Variants in NFYA observed in about 807,000 individuals in gnomAD.
The protein encoded by NFYA is nuclear transcription factor Y subunit alpha, also known as CAAT-box DNA binding protein subunit A.
Under a neutral mutation model 52.8 loss-of-function variants are expected in NFYA, and 28 were observed. That is an observed-to-expected ratio of 0.53 (90% CI 0.39 to 0.73). The LOEUF (loss-of-function observed/expected upper bound fraction) is 0.73. NFYA is among the 30% of genes least tolerant of loss of function. The probability of loss-of-function intolerance (pLI) is 0.00; values close to 1 mark genes in which losing one functional copy is unlikely to be tolerated. For synonymous variants in NFYA, 150 were observed against 150.7 expected (o/e 1.00, Z 0.03); for missense variants, 234 against 427.0 (o/e 0.55, Z 3.98).
chr6:41,081,455 A>C (rs1190053187), intron 3 of NFYA, among the ~76,000 whole-genome samples: 1 of 151,296 alleles, frequency 6.6e-6, no homozygotes, highest in East Asian at 1.9e-4. Flanking sequence ...GCGCCACTGC[A>C]CTCCAGCCTG....
Position 41,101,987 on chromosome 6 carries a change from G to GT in NFYA, c.*4578dup, listed in dbSNP as rs1561860225. The GT allele has an allele frequency of 6.6e-6, 1 of 152,272 alleles. No individual in the cohort carries two copies. The highest frequency in any genetic ancestry group is 1.5e-5 in the Non-Finnish European group (1 of 68,080). The allele number at this position is 152,272 out of a possible 1,614,324, so 9.4% of individuals were successfully genotyped here. On this transcript the variant is annotated 3_prime_UTR_variant, in exon 10 of 10. Transcript: ENST00000341376. ...AAGTTTAGGATTTGGAGTTAACATC[G>GT]TAATTTCTGCTTTGTTGGTCAGGGT...
At chr6:41,074,892 C>G (rs1763691509) in intron 1 of NFYA, among the ~76,000 whole-genome samples, 1 of 152,158 alleles carries the variant, frequency 6.6e-6, no homozygotes, top group Non-Finnish European at 1.5e-5. Context: ...ATTATTTTTA[C>G]TCATGTGAAT....
In NFYA at chr6:41,100,101, T is replaced by G. The variant is rs1764458929; in HGVS notation, c.*2691T>G. On this transcript the variant is annotated 3_prime_UTR_variant, in exon 10 of 10. Transcript: ENST00000341376. ...GTGTCTCTGTAAACAGTATCAAACTTGTAATGTCTGAGCCTCTTAGCTTTA... is the reference window on the plus strand; with the variant it reads ...GTGTCTCTGTAAACAGTATCAAACTGGTAATGTCTGAGCCTCTTAGCTTTA... 1 of 152,204 alleles carries G rather than the reference T, an allele frequency of 6.6e-6. No homozygotes were observed. Among genetic ancestry groups the G allele is most frequent in the Non-Finnish European group, 1.5e-5 (1 of 68,040 alleles). 9.4% of individuals were successfully genotyped at this position (152,204 alleles called of 1,614,324 possible). A position where few individuals can be genotyped will look rare whatever the true frequency, so the allele number is the denominator to read the frequency against.
intron 2 of NFYA, among the ~76,000 whole-genome samples, chr6:41,080,385 ACTC>A (rs1397885169): frequency 4.6e-5 from 7 of 152,000 alleles, no homozygotes; most frequent in African/African-American, 1.7e-4. Flanking sequence ...GTGATTAATT[ACTC>A]CTCCTTTCTT....
At chr6:41,094,339 T>C in intron 8 of NFYA, 57 bp from the exon 9 acceptor site, 2 of 1,455,930 alleles carry the variant, frequency 1.4e-6, no homozygotes, top group Admixed American at 3.4e-5. Flanking sequence ...GTGCACTAGA[T>C]AACTGTGCTG....
chr6:41,076,710 G>A (rs1354824622), intron 1 of NFYA, among the ~76,000 whole-genome samples: 1 of 152,192 alleles, frequency 6.6e-6, no homozygotes, highest in East Asian at 1.9e-4. Flanking sequence ...AAAACTTTGT[G>A]TTAAGAGCAA....
At chr6:41,080,593 A>G (rs1180779883) in intron 2 of NFYA, among the ~76,000 whole-genome samples, 1 of 152,146 alleles carries the variant, frequency 6.6e-6, no homozygotes, top group East Asian at 1.9e-4. Context: ...AACTGTTTTG[A>G]GTTTTTGAGT....
intron 7 of NFYA, 76 bp downstream of exon 7, chr6:41,091,770 A>T (rs1764201690): frequency 1.2e-5 from 19 of 1,520,196 alleles, no homozygotes; most frequent in Non-Finnish European, 1.5e-5. Context: ...AAAATTTATT[A>T]TGTTGACCTC....
At chr6:41,080,759 C>G in intron 2 of NFYA, 52 bp from the exon 3 acceptor site, 1 of 1,467,688 alleles carries the variant, frequency 6.8e-7, no homozygotes, top group Admixed American at 1.7e-5. Context: ...GTGTCTTGAA[C>G]TACACATTTC....
chr6:41,084,206 A>T lies in NFYA; in HGVS notation c.309+14A>T, dbSNP rs780702130. On this transcript the variant is annotated intron_variant, in intron 4 of 9. Transcript: ENST00000341376. ...GGTTTGCAGCAAGTGAGTAATATTT[A>T]AAAATATTGAGCAGTATATCAGAGG... The T allele has an allele frequency of 6.2e-7, 1 of 1,612,896 alleles. No homozygotes were observed. The highest frequency in any genetic ancestry group is 8.5e-7 in the Non-Finnish European group (1 of 1,179,396).
chr6:41,073,528 G>A (rs1034108951), intron 1 of NFYA, among the ~76,000 whole-genome samples: 2 of 151,932 alleles, frequency 1.3e-5, no homozygotes, highest in African/African-American at 2.4e-5. Flanking sequence ...TCCACTCTCC[G>A]GCCCTTGGGA....
At chr6:41,093,691 G>A (rs1277587480) in intron 8 of NFYA, among the ~76,000 whole-genome samples, 8 of 152,136 alleles carry the variant, frequency 5.3e-5, no homozygotes, top group Admixed American at 3.3e-4. Context: ...GGCTGGTCTC[G>A]AACTCCTGAC....
At chr6:41,093,758 A>C (rs1382377389) in intron 8 of NFYA, among the ~76,000 whole-genome samples, 3 of 152,248 alleles carry the variant, frequency 2.0e-5, no homozygotes, top group African/African-American at 7.2e-5. Context: ...GGCGTGAGCC[A>C]CCATACCCGG....
intron 4 of NFYA, among the ~76,000 whole-genome samples, chr6:41,087,752 G>A (rs2113807575): frequency 1.3e-5 from 2 of 152,128 alleles, no homozygotes; most frequent in South Asian, 4.1e-4. Context: ...ATGAAAATAG[G>A]ATTTTGTACA....
chr6:41,093,475 T>C (rs1262094398), intron 8 of NFYA, among the ~76,000 whole-genome samples: 1 of 151,786 alleles, frequency 6.6e-6, no homozygotes, highest in Non-Finnish European at 1.5e-5. Flanking sequence ...CCCTTTCTTT[T>C]TTTTTTTTTT....
chr6:41,084,025 T>A, intron 3 of NFYA, 21 bp from the exon 4 acceptor site: 1 of 1,583,278 alleles, frequency 6.3e-7, no homozygotes, highest in Non-Finnish European at 8.6e-7. Flanking sequence ...ATTTCATTGT[T>A]CTTATTTTAT....
chr6:41,080,211 G>T (rs1389662075), intron 2 of NFYA, among the ~76,000 whole-genome samples: 1 of 152,128 alleles, frequency 6.6e-6, no homozygotes, highest in Non-Finnish European at 1.5e-5. Flanking sequence ...CTACTCTGGA[G>T]GCTGAGACAG....
intron 1 of NFYA, among the ~76,000 whole-genome samples, chr6:41,073,489 G>C (rs1470601532): frequency 6.6e-6 from 1 of 151,994 alleles, no homozygotes; most frequent in Non-Finnish European, 1.5e-5. Flanking sequence ...GGTCGTTCTG[G>C]CCGCAAACTT....
chr6:41,079,168 T>G lies in NFYA; in HGVS notation c.75+4T>G. The G allele has an allele frequency of 6.2e-7, 1 of 1,614,130 alleles. No homozygotes were observed. The highest frequency in any genetic ancestry group is 1.3e-5 in the African/African-American group (1 of 75,056). The stretch of plus-strand genomic sequence containing the variant: ...GGCAGGACAGATTCAGCAGCAGGTA[T>G]GGAAGCAAAACTGCTTTAAACATTA... On this transcript the variant is annotated splice_donor_region_variant and intron_variant, in intron 2 of 9. Transcript: ENST00000341376.
Sources: allele counts gnomAD v4.1 joint callset (sites outside exome capture counted in the v4.1 genomes callset), GRCh38; gene constraint gnomAD v4.1.1; transcripts MANE v1.5; gene names NCBI Gene and HGNC (gene_info 2026-07-23, HGNC 2026-07-21).